CLTB: variants seen among roughly 807,000 people sequenced by gnomAD.
CLTB encodes the protein clathrin light chain B, also known as clathrin, light chain (Lcb).
Under a neutral mutation model 30.5 loss-of-function variants are expected in CLTB, and 10 were observed. The ratio of observed to expected loss-of-function variants is 0.33; its 90% CI spans 0.20 to 0.56. CLTB has a LOEUF of 0.56. Ranked by LOEUF, CLTB falls within the 20% of genes least tolerant of loss-of-function variation. The pLI is 0.91. For missense variants in CLTB, 261 were observed against 308.3 expected, an observed-to-expected ratio of 0.85 and a Z score of 1.15; for synonymous variants, 102 against 120.3, an observed-to-expected ratio of 0.85 and a Z score of 1.00.
At chr5:176,412,259 C>T (rs577960475) in intron 1 of CLTB, among the ~76,000 whole-genome samples, 1 of 152,168 alleles carries the variant, frequency 6.6e-6, no homozygotes, top group South Asian at 2.1e-4. Context: ...CTGGGAAGCC[C>T]TCCTCTGCTT....
At chr5:176,401,203 G>A (rs182974350) in intron 2 of CLTB, among the ~76,000 whole-genome samples, 8 of 152,344 alleles carry the variant, frequency 5.3e-5, no homozygotes, top group South Asian at 2.1e-4. Context: ...TCCCAGCACC[G>A]CTGCCCAAAC....
Position 176,416,404 on chromosome 5 carries a change from C to G in CLTB, c.-41G>C, listed in dbSNP as rs906487814. The G allele has an allele frequency of 6.8e-7, 1 of 1,473,388 alleles. No individual in the cohort carries two copies. Among genetic ancestry groups the G allele is most frequent in the South Asian group, 1.4e-5 (1 of 73,336 alleles). The allele number at this position is 1,473,388 out of a possible 1,614,324, so 91.3% of individuals were successfully genotyped here. On this transcript the variant is annotated 5_prime_UTR_variant, in exon 1 of 6. Transcript: ENST00000310418. ...GCCGGAGCCTCCGCTGCGCTCGGCT[C>G]TGCCCGCGCCTGCCCCGCGCTGCGT...
At chr5:176,398,989 C>A (rs1756683242) in intron 2 of CLTB, among the ~76,000 whole-genome samples, 1 of 151,842 alleles carries the variant, frequency 6.6e-6, no homozygotes, top group Non-Finnish European at 1.5e-5. Context: ...ATTACAGGCA[C>A]ACGTCACGAC....
At chr5:176,413,607 C>T (rs1345361298) in intron 1 of CLTB, among the ~76,000 whole-genome samples, 1 of 152,222 alleles carries the variant, frequency 6.6e-6, no homozygotes, top group African/African-American at 2.4e-5. Context: ...GAAGGTGCCT[C>T]AGAGGTACTG....
At chr5:176,411,914 T>A (rs185607172) in intron 1 of CLTB, among the ~76,000 whole-genome samples, 3 of 152,070 alleles carry the variant, frequency 2.0e-5, no homozygotes, top group African/African-American at 7.2e-5. Context: ...TGGTGGCTTA[T>A]GCCTGTAATC....
At chr5:176,411,022 C>A (rs1245131574) in intron 1 of CLTB, among the ~76,000 whole-genome samples, 3 of 152,232 alleles carry the variant, frequency 2.0e-5, no homozygotes, top group Non-Finnish European at 2.9e-5. Context: ...CAGGACCTCA[C>A]CACCTTGCAC....
chr5:176,406,051 C>G, intron 2 of CLTB: 5 of 637,590 alleles, frequency 7.8e-6, no homozygotes, highest in Non-Finnish European at 9.8e-6. Flanking sequence ...GCAGTCACCA[C>G]TCATTATTTC....
At position 176,397,979 on chromosome 5, in the gene CLTB, C is replaced by G; in HGVS notation, c.303G>C (p.Glu101Asp). Residue 101 changes from glutamate (E) to aspartate (D), a missense_variant, in exon 3 of 6, where the codon GAG (glutamate) becomes GAC (aspartate). Around this residue, in one of 3 missense-constraint regions of CLTB, gnomAD observed 123 missense variants for 157.0 expected, o/e 0.78. Transcript: ENST00000310418. ...AQADRLTQEP[E>D]SIRKWREEQR... is the part of the protein sequence containing the mutation. ...GCTCCTCTCGCCACTTGCGGATGCTCTCAGGCTCCTGGGTCAGCCTGTCAG... is the reference window on the plus strand; with the variant it reads ...GCTCCTCTCGCCACTTGCGGATGCTGTCAGGCTCCTGGGTCAGCCTGTCAG... The G allele has an allele frequency of 6.2e-7, 1 of 1,614,140 alleles. No individual in the cohort carries two copies. Among genetic ancestry groups the G allele is most frequent in the South Asian group, 1.1e-5 (1 of 91,090 alleles).
intron 5 of CLTB, among the ~76,000 whole-genome samples, chr5:176,396,233 A>G (rs78076919): frequency 0.014 from 2,131 of 152,148 alleles, 51 homozygotes; most frequent in African/African-American, 0.048. Flanking sequence ...ACATGGGAAT[A>G]AGTGGCAAGC....
chr5:176,403,394 G>A (rs1208601257), intron 2 of CLTB, among the ~76,000 whole-genome samples: 2 of 151,690 alleles, frequency 1.3e-5, no homozygotes, highest in African/African-American at 4.8e-5. Context: ...CATTTAAAGG[G>A]CTTTCTTTAA....
At chr5:176,408,147 T>G (rs1369975047) in intron 2 of CLTB, among the ~76,000 whole-genome samples, 1 of 151,848 alleles carries the variant, frequency 6.6e-6, no homozygotes, top group Non-Finnish European at 1.5e-5. Context: ...AATGGATTTG[T>G]GTGTATGCAA....
At position 176,392,641 on chromosome 5, in the gene CLTB, A is replaced by G. The variant is rs751215834; in HGVS notation, c.*133T>C. ...GTGATGGGGTGAGGGCCCCCCTCCC[A>G]GCGCCTGGAGATGGGGAGGAGTGGA... On this transcript the variant is annotated 3_prime_UTR_variant, in exon 6 of 6. Transcript: ENST00000310418. The surrounding 1 kb of genome is among the most constrained non-coding windows in gnomAD (Gnocchi z 5.2). 2.1e-4 allele frequency: 222 copies of G among 1,050,808 alleles called. No homozygotes were observed. The highest frequency in any genetic ancestry group is 2.9e-4 in the Non-Finnish European group (212 of 724,656). 65.1% of individuals were successfully genotyped at this position (1,050,808 alleles called of 1,614,324 possible). A position where few individuals can be genotyped will look rare whatever the true frequency, so the allele number is the denominator to read the frequency against.
At chr5:176,394,064 AAAATGAGGATC>A (rs1205904840) in intron 5 of CLTB, among the ~76,000 whole-genome samples, 2 of 152,220 alleles carry the variant, frequency 1.3e-5, no homozygotes, top group Non-Finnish European at 2.9e-5. Flanking sequence ...CCTAGCCTGT[AAAATGAGGATC>A]ATAGCTCTGC....
At chr5:176,397,082 G>A (rs1157645221) in intron 4 of CLTB, among the ~76,000 whole-genome samples, 3 of 152,084 alleles carry the variant, frequency 2.0e-5, no homozygotes, top group Non-Finnish European at 2.9e-5. Flanking sequence ...GAGCTTAGTT[G>A]AACATGTGTG....
rs1257734623 is a variant in CLTB at position 176,392,769 on chromosome 5, G to A, written c.*5C>T. On this transcript the variant is annotated 3_prime_UTR_variant, in exon 6 of 6. Transcript: ENST00000310418. This position sits in a 1 kb window ranked among gnomAD's most constrained non-coding sequence, Gnocchi z 5.2. Reference sequence around the variant, plus strand: ...ATGCTCTGTGGCCATGCACCTAGCAGGCACCTAGCGGGACAGTGGCGTCTG... The same window carrying A: ...ATGCTCTGTGGCCATGCACCTAGCAAGCACCTAGCGGGACAGTGGCGTCTG... 1.2e-6 allele frequency: 2 copies of A among 1,613,592 alleles called. No homozygotes were observed. Among genetic ancestry groups the A allele is most frequent in the Non-Finnish European group, 1.7e-6 (2 of 1,179,940 alleles).
intron 2 of CLTB, among the ~76,000 whole-genome samples, chr5:176,408,539 G>GA (rs746561617): frequency 1.9e-3 from 224 of 118,528 alleles, no homozygotes; most frequent in East Asian, 3.4e-3. Flanking sequence ...TCCATCTCAG[G>GA]AAAAAAAAAA....
chr5:176,416,184 C>A lies in CLTB; in HGVS notation c.180G>T (p.Thr60=). ...GGCCCCGCGCTGACTCACCCCCACTCGTGGGGCCCGGCTGCGCGGGGGCCG... is the reference window on the plus strand; with the variant it reads ...GGCCCCGCGCTGACTCACCCCCACTAGTGGGGCCCGGCTGCGCGGGGGCCG... ...SHAAPAQPGP[T]SGAGSEDMGT... is the part of the protein sequence containing the mutation. Residue 60 remains threonine (T), a synonymous_variant, in exon 1 of 6, where the codon ACG becomes ACT. Coordinates refer to ENST00000310418, the MANE Select transcript of CLTB (RefSeq NM_007097.5). 6.3e-7 allele frequency: 1 copy of A among 1,581,560 alleles called. No homozygotes were observed. The highest frequency in any genetic ancestry group is 8.6e-7 in the Non-Finnish European group (1 of 1,168,344).
In CLTB at chr5:176,393,555, C is replaced by CCT. The variant is rs748297996; in HGVS notation, c.519-612_519-611dup. Among the ~76,000 whole-genome samples the CCT allele has an allele frequency of 6.6e-6, 1 of 152,106 alleles. No individual in the cohort carries two copies. The highest frequency in any genetic ancestry group is 1.5e-5 in the Non-Finnish European group (1 of 68,032). Reference sequence around the variant, plus strand: ...TTTCATGTGCTGTGTGCGTCGTGACCCTCCAAGGTGTGTATGTGATGGAAT... The same window carrying CCT: ...TTTCATGTGCTGTGTGCGTCGTGACCCTCTCCAAGGTGTGTATGTGATGGAAT... On this transcript the variant is annotated intron_variant, in intron 5 of 5. Coordinates refer to ENST00000310418, the MANE Select transcript of CLTB (RefSeq NM_007097.5). The surrounding 1 kb of genome is among the most constrained non-coding windows in gnomAD (Gnocchi z 4.4).
intron 2 of CLTB, among the ~76,000 whole-genome samples, chr5:176,398,354 C>T (rs1415891990): frequency 2.0e-5 from 3 of 152,142 alleles, no homozygotes; most frequent in Non-Finnish European, 4.4e-5. Context: ...CTTTCTTTGT[C>T]ATAAAATGGG....
Sources: gnomAD v4.1 joint callset for allele counts (sites outside exome capture counted in the v4.1 genomes callset) on GRCh38, gnomAD v4.1.1 for gene constraint, gnomAD v4.1.1 regional missense constraint, Gnocchi (gnomAD v3.1) non-coding constraint, MANE v1.5 for transcripts, NCBI Gene and HGNC (gene_info 2026-07-23, HGNC 2026-07-21) for gene names.